Variants in PTGER3 observed in about 807,000 individuals in gnomAD.
PTGER3 encodes the protein prostaglandin E receptor 3.
Under a neutral mutation model 34.7 loss-of-function variants are expected in PTGER3, and 22 were observed. The observed-to-expected ratio is 0.63, with a 90% CI of 0.45 to 0.91. The LOEUF is 0.91. PTGER3 is among the 40% of genes least tolerant of loss of function. The pLI, the probability that PTGER3 is intolerant of heterozygous loss-of-function variation, is 0.00. For missense variants in PTGER3, 468 were observed against 519.4 expected (o/e 0.90, Z 0.96); for synonymous variants, 241 against 230.1 (o/e 1.05, Z -0.43).
intron 4 of PTGER3, among the ~76,000 whole-genome samples, chr1:70,927,674 A>G (rs1307734059): frequency 6.6e-6 from 1 of 152,164 alleles, no homozygotes; most frequent in East Asian, 1.9e-4. Flanking sequence ...AAAAGAGCAT[A>G]TCAAGTAAAA....
intron 4 of PTGER3, among the ~76,000 whole-genome samples, chr1:70,896,436 C>T (rs746528021): frequency 6.6e-6 from 1 of 152,078 alleles, no homozygotes; most frequent in Non-Finnish European, 1.5e-5. Flanking sequence ...AGAAAACTAC[C>T]AGAAGCTAAG....
At chr1:70,947,225 A>G (rs1269326673) in intron 4 of PTGER3, among the ~76,000 whole-genome samples, 1 of 152,140 alleles carries the variant, frequency 6.6e-6, no homozygotes. Context: ...GTCCCCACCC[A>G]AATTTCAACT....
Position 71,046,980 on chromosome 1 carries a change from T to C in PTGER3, c.598A>G (p.Thr200Ala), listed in dbSNP as rs572047518. 4.3e-6 allele frequency: 7 copies of C among 1,611,776 alleles called. No individual in the cohort carries two copies. The South Asian group carries it at 5.5e-5, about 13-fold the overall frequency. Residue 200 changes from threonine (T) to alanine (A), a missense_variant, in exon 1 of 4, where the codon ACC (threonine) becomes GCC (alanine). Physicochemically the swap from Thr to Ala is moderately conservative, Grantham distance 58. Transcript: ENST00000306666. Reference protein sequence around the residue: ...LLPVLGVGQYTVQWPGTWCFI... With the variant: ...LLPVLGVGQYAVQWPGTWCFI... ...CACCACGTCCCGGGCCACTGGACGGTGTACTGGCCCACGCCCAGCACCGGC... is the reference window on the plus strand; with the variant it reads ...CACCACGTCCCGGGCCACTGGACGGCGTACTGGCCCACGCCCAGCACCGGC...
At position 70,971,267 on chromosome 1, in the gene PTGER3, T is replaced by C. The variant is rs1653050704; in HGVS notation, c.*463A>G. ...TTGCTTTTATATGTCGTTAAGTTCATATCCTATTAATTGAATTATCACTCT... is the reference window on the plus strand; with the variant it reads ...TTGCTTTTATATGTCGTTAAGTTCACATCCTATTAATTGAATTATCACTCT... On this transcript the variant is annotated 3_prime_UTR_variant, in exon 4 of 4. Transcript: ENST00000306666. The C allele has an allele frequency of 1.0e-6, 1 of 985,948 alleles. No individual in the cohort carries two copies. Among genetic ancestry groups the C allele is most frequent in the Non-Finnish European group, 1.2e-6 (1 of 830,278 alleles). 61.1% of individuals were successfully genotyped at this position (985,948 alleles called of 1,614,324 possible). A position where few individuals can be genotyped will look rare whatever the true frequency, so the allele number is the denominator to read the frequency against.
At chr1:71,046,306 A>AAAC (rs1553181241) in intron 1 of PTGER3, among the ~76,000 whole-genome samples, 4 of 147,186 alleles carry the variant, frequency 2.7e-5, no homozygotes, top group South Asian at 2.1e-4. Context: ...AAAAAAAAAA[A>AAAC]CCCCACAATA....
intron 1 of PTGER3, among the ~76,000 whole-genome samples, chr1:71,030,532 T>G (rs1659317078): frequency 6.6e-6 from 1 of 152,194 alleles, no homozygotes; most frequent in African/African-American, 2.4e-5. Flanking sequence ...CTGAAAAATG[T>G]TTGCCTAGTA....
intron 2 of PTGER3, among the ~76,000 whole-genome samples, chr1:70,981,637 G>T (rs1477856875): frequency 6.6e-6 from 1 of 151,828 alleles, no homozygotes; most frequent in African/African-American, 2.4e-5. Context: ...TCTAACTCCT[G>T]AGCTCAAGTG....
Position 71,047,316 on chromosome 1 carries a change from A to G in PTGER3, c.262T>C (p.Phe88Leu). Residue 88 changes from phenylalanine to leucine, a missense_variant, in exon 1 of 4, where the codon TTC becomes CTC. This residue lies in a region of PTGER3 where 151 missense variants were observed against 133.5 expected (regional missense o/e 1.13). Transcript: ENST00000306666. ...RRRESKRKKS[F>L]LLCIGWLALT... is the part of the protein sequence containing the mutation. ...GCCAGCCAGCCGATGCACAGCAGGA[A>G]GGACTTCTTGCGCTTGCTCTCCCGG... 6.2e-7 allele frequency: 1 copy of G among 1,606,372 alleles called. No individual in the cohort carries two copies. The highest frequency in any genetic ancestry group is 8.5e-7 in the Non-Finnish European group (1 of 1,177,092).
chr1:70,862,086 A>G (rs1269002779), intron 4 of PTGER3, among the ~76,000 whole-genome samples: 1 of 152,022 alleles, frequency 6.6e-6, no homozygotes, highest in African/African-American at 2.4e-5. Flanking sequence ...CTGAGGATCT[A>G]TATATTGGCC....
chr1:70,975,619 T>C (rs983502772), intron 2 of PTGER3, among the ~76,000 whole-genome samples: 1 of 152,178 alleles, frequency 6.6e-6, no homozygotes, highest in Non-Finnish European at 1.5e-5. Context: ...AATCTTTAAC[T>C]GTGTTAAGCA....
At chr1:70,894,309 CAAAAAAAAA>C (rs35974984) in intron 4 of PTGER3, among the ~76,000 whole-genome samples, 2 of 46,720 alleles carry the variant, frequency 4.3e-5, no homozygotes, top group Non-Finnish European at 7.2e-5. Flanking sequence ...AACTCCATCT[CAAAAAAAAA>C]AAAAAAAAAA....
At chr1:71,032,609 T>C (rs1246860378) in intron 1 of PTGER3, among the ~76,000 whole-genome samples, 1 of 152,212 alleles carries the variant, frequency 6.6e-6, no homozygotes, top group Non-Finnish European at 1.5e-5. Context: ...GGGATTCTGA[T>C]ACATAGCAAG....
chr1:70,968,554 A>G (rs987138190), downstream of PTGER3, among the ~76,000 whole-genome samples: 15 of 152,200 alleles, frequency 9.9e-5, no homozygotes, highest in Non-Finnish European at 1.8e-4. Context: ...GCTGAATTAC[A>G]ACCCAGAGTA....
intron 2 of PTGER3, chr1:70,953,877 G>A: frequency 1.7e-6 from 1 of 585,696 alleles, no homozygotes; most frequent in Non-Finnish European, 2.9e-6. Context: ...GATGTTCAAT[G>A]AAAATAGCTA....
chr1:70,926,398 C>A (rs996641445), intron 4 of PTGER3, among the ~76,000 whole-genome samples: 2 of 152,138 alleles, frequency 1.3e-5, no homozygotes, highest in Non-Finnish European at 2.9e-5. Context: ...TCCTTCACGT[C>A]CCTTGTAAGT....
chr1:70,878,345 A>C (rs1646316742), intron 4 of PTGER3, among the ~76,000 whole-genome samples: 1 of 151,758 alleles, frequency 6.6e-6, no homozygotes. Context: ...GATTGTGTTT[A>C]TTTGAATCTT....
intron 2 of PTGER3, among the ~76,000 whole-genome samples, chr1:70,957,396 T>G (rs143898629): frequency 6.6e-6 from 1 of 152,178 alleles, no homozygotes; most frequent in Non-Finnish European, 1.5e-5. Context: ...AATTTGACCT[T>G]CATTTAACTT....
chr1:70,904,838 T>C (rs1318095489), intron 4 of PTGER3, among the ~76,000 whole-genome samples: 1 of 152,132 alleles, frequency 6.6e-6, no homozygotes, highest in Non-Finnish European at 1.5e-5. Context: ...TGCAGAAATT[T>C]GTATAAGTAG....
At chr1:70,989,086 C>A (rs1022902710) in intron 2 of PTGER3, among the ~76,000 whole-genome samples, 2 of 152,080 alleles carry the variant, frequency 1.3e-5, no homozygotes, top group African/African-American at 4.8e-5. Context: ...AGAGGTGACA[C>A]AGTATCATAC....
Sources: gnomAD v4.1 joint callset for allele counts (sites outside exome capture counted in the v4.1 genomes callset) on GRCh38, gnomAD v4.1.1 for gene constraint, gnomAD v4.1.1 regional missense constraint, MANE v1.5 for transcripts, NCBI Gene and HGNC (gene_info 2026-07-23, HGNC 2026-07-21) for gene names.